PTPRD: variants seen among roughly 807,000 people sequenced by gnomAD.
The protein encoded by PTPRD is protein tyrosine phosphatase receptor type D, also known as receptor-type tyrosine-protein phosphatase delta.
In PTPRD, 34 loss-of-function variants were observed where a neutral mutation model predicts 214.5. The ratio of observed to expected loss-of-function variants is 0.16; its 90% CI spans 0.12 to 0.21. The LOEUF (loss-of-function observed/expected upper bound fraction) is 0.21. PTPRD is among the 10% of genes least tolerant of loss of function. PTPRD has a pLI of 1.00. For synonymous variants in PTPRD, 1,128 were observed against 845.7 expected, an observed-to-expected ratio of 1.33 and a Z score of -5.79; for missense variants, 2,545 against 2,398.7, an observed-to-expected ratio of 1.06 and a Z score of -1.27.
chr9:10,363,670 T>A (rs1183005834), intron 2 of PTPRD, among the ~76,000 whole-genome samples: 2 of 152,110 alleles, frequency 1.3e-5, no homozygotes, highest in South Asian at 4.1e-4. Context: ...AAATGCAAAA[T>A]CATCCACGTC....
At position 9,790,945 on chromosome 9, in the gene PTPRD, A is replaced by G. The variant is rs1005317247; in HGVS notation, c.-367-24094T>C. ...AACTAGTTCAGTTTGAACAGGTCCT[A>G]TGGCATCTTGGAAGACAGATGGTTC... On this transcript the variant is annotated intron_variant, in intron 5 of 45. Transcript: ENST00000381196. Among the ~76,000 whole-genome samples the G allele has an allele frequency of 2.0e-4, 31 of 152,326 alleles. 1 individual carries two copies. Among genetic ancestry groups the G allele is most frequent in the Admixed American group, 5.2e-4 (8 of 15,302 alleles).
intron 5 of PTPRD, among the ~76,000 whole-genome samples, chr9:9,821,087 A>G (rs1019899770): frequency 1.5e-4 from 23 of 152,152 alleles, no homozygotes; most frequent in African/African-American, 5.1e-4. Context: ...TTTTAATGAC[A>G]TTGATTATTT....
At chr9:8,695,218 A>G (rs1454148541) in intron 12 of PTPRD, among the ~76,000 whole-genome samples, 1 of 152,306 alleles carries the variant, frequency 6.6e-6, no homozygotes, top group East Asian at 1.9e-4. Context: ...TCTTGGTGCC[A>G]ATCTTGTGAG....
At chr9:8,983,495 T>C (rs2154341857) in intron 11 of PTPRD, among the ~76,000 whole-genome samples, 1 of 152,096 alleles carries the variant, frequency 6.6e-6, no homozygotes, top group South Asian at 2.1e-4. Flanking sequence ...GTGTTATTTA[T>C]TTTATACATT....
chr9:9,087,174 T>G (rs1255185243), intron 10 of PTPRD, among the ~76,000 whole-genome samples: 1 of 152,156 alleles, frequency 6.6e-6, no homozygotes, highest in African/African-American at 2.4e-5. Flanking sequence ...GTAAACTTAG[T>G]GAGTCCTCTA....
At chr9:9,926,411 G>A (rs185648148) in intron 5 of PTPRD, among the ~76,000 whole-genome samples, 9 of 151,980 alleles carry the variant, frequency 5.9e-5, no homozygotes, top group Non-Finnish European at 8.8e-5. Context: ...TAAAGCCAGG[G>A]AATATGGAAA....
At chr9:8,703,345 T>C (rs1449951757) in intron 12 of PTPRD, among the ~76,000 whole-genome samples, 1 of 152,196 alleles carries the variant, frequency 6.6e-6, no homozygotes, top group Non-Finnish European at 1.5e-5. Context: ...GTTAAATGAA[T>C]ATTCCCAGAT....
chr9:9,242,995 A>G (rs949719632), intron 9 of PTPRD, among the ~76,000 whole-genome samples: 14 of 151,962 alleles, frequency 9.2e-5, no homozygotes, highest in Admixed American at 3.3e-4. Context: ...GTCTTTGATG[A>G]TGGTGACGTA....
At chr9:8,736,413 G>A (rs2090406699) in intron 11 of PTPRD, among the ~76,000 whole-genome samples, 1 of 152,050 alleles carries the variant, frequency 6.6e-6, no homozygotes, top group South Asian at 2.1e-4. Flanking sequence ...AAATGAAACT[G>A]CATACCTTTA....
intron 13 of PTPRD, among the ~76,000 whole-genome samples, chr9:8,635,562 G>C (rs1028344035): frequency 6.6e-6 from 1 of 151,854 alleles, no homozygotes; most frequent in Non-Finnish European, 1.5e-5. Context: ...TAATTAATTA[G>C]GTTCTCTATA....
At chr9:9,138,567 A>G (rs2099854728) in intron 10 of PTPRD, among the ~76,000 whole-genome samples, 1 of 152,086 alleles carries the variant, frequency 6.6e-6, no homozygotes, top group South Asian at 2.1e-4. Flanking sequence ...AAATGCCTTA[A>G]CTTTTTAAAA....
chr9:10,016,398 C>A (rs62536947), intron 4 of PTPRD, among the ~76,000 whole-genome samples: 20 of 53,172 alleles, frequency 3.8e-4, no homozygotes, highest in Non-Finnish European at 8.8e-4. Context: ...GATAGATAGA[C>A]AGATAGATAG....
At chr9:9,296,793 G>A (rs1345692343) in intron 9 of PTPRD, among the ~76,000 whole-genome samples, 3 of 151,742 alleles carry the variant, frequency 2.0e-5, no homozygotes, top group Non-Finnish European at 4.4e-5. Flanking sequence ...GATGAATCAA[G>A]GCAATGCAGA....
chr9:9,017,715 G>T lies in PTPRD; in HGVS notation c.-104+982C>A, dbSNP rs916074252. On this transcript the variant is annotated intron_variant, in intron 11 of 45. Coordinates refer to ENST00000381196, the MANE Select transcript of PTPRD (RefSeq NM_002839.4). ...TCTCAGAAACATCGAATAATTGCAT[G>T]ATGACTAGAATTTTTTTCTTTTTCA... 1.6e-4 allele frequency among the ~76,000 whole-genome samples: 24 copies of T among 152,220 alleles called. No individual in the cohort carries two copies. The East Asian group carries it at 4.4e-3, about 28-fold the overall frequency.
chr9:8,959,557 T>C (rs1290324716), intron 11 of PTPRD, among the ~76,000 whole-genome samples: 2 of 151,986 alleles, frequency 1.3e-5, no homozygotes, highest in Non-Finnish European at 2.9e-5. Flanking sequence ...ATCCAAAGTC[T>C]TGAAACATCA....
chr9:8,714,737 A>G (rs747980752), intron 12 of PTPRD, among the ~76,000 whole-genome samples: 2 of 151,958 alleles, frequency 1.3e-5, no homozygotes, highest in Non-Finnish European at 2.9e-5. Flanking sequence ...TGACTACCCA[A>G]TTTTAAATCA....
intron 11 of PTPRD, among the ~76,000 whole-genome samples, chr9:8,964,661 ATCTC>A (rs2099181177): frequency 6.6e-6 from 1 of 151,518 alleles, no homozygotes; most frequent in South Asian, 2.1e-4. Flanking sequence ...TTAATTTGAG[ATCTC>A]TCTGACTTTT....
intron 9 of PTPRD, among the ~76,000 whole-genome samples, chr9:9,185,909 C>T (rs1260198658): frequency 6.6e-6 from 1 of 150,438 alleles, no homozygotes; most frequent in Non-Finnish European, 1.5e-5. Flanking sequence ...CACACAAGTG[C>T]CTTTCTTTTC....
intron 44 of PTPRD, among the ~76,000 whole-genome samples, chr9:8,331,200 T>C (rs1039439331): frequency 6.6e-6 from 1 of 152,018 alleles, no homozygotes; most frequent in Non-Finnish European, 1.5e-5. Flanking sequence ...TGATAGCTAT[T>C]CATGAGGTTT....
Sources: gnomAD v4.1 joint callset for allele counts (sites outside exome capture counted in the v4.1 genomes callset) on GRCh38, gnomAD v4.1.1 for gene constraint, MANE v1.5 for transcripts, NCBI Gene and HGNC (gene_info 2026-07-23, HGNC 2026-07-21) for gene names.